POU3F3: variants seen among roughly 807,000 people sequenced by gnomAD.
The protein encoded by POU3F3 is POU class 3 homeobox 3.
In POU3F3, 1 loss-of-function variant was observed where a neutral mutation model predicts 8.6. The ratio of observed to expected loss-of-function variants is 0.12; its 90% CI spans 0.04 to 0.55. The LOEUF (loss-of-function observed/expected upper bound fraction) is 0.55, where lower values mean the gene tolerates loss of function less well. Ranked by LOEUF, POU3F3 falls within the 20% of genes least tolerant of loss-of-function variation. POU3F3 has a pLI of 0.91. For synonymous variants in POU3F3, 418 were observed against 327.4 expected (o/e 1.28, Z -2.99); for missense variants, 577 against 690.7 (o/e 0.84, Z 1.84).
chr2:104,878,659 A>G, the POU3F3 span, among the ~76,000 whole-genome samples: 1 of 152,248 alleles, frequency 6.6e-6, no homozygotes, highest in South Asian at 2.1e-4. Context: ...AGAAGTTGGC[A>G]TCTTGCCTGA....
chr2:104,917,395 A>T, the POU3F3 span, among the ~76,000 whole-genome samples: 3 of 152,218 alleles, frequency 2.0e-5, no homozygotes, highest in African/African-American at 7.2e-5. Flanking sequence ...ACAATTGTTA[A>T]TCAAATAATT....
the POU3F3 span, among the ~76,000 whole-genome samples, chr2:104,927,626 A>G: frequency 1.5e-5 from 2 of 130,308 alleles, no homozygotes; most frequent in East Asian, 2.4e-4. Context: ...GTGCTGCGGC[A>G]TGCACCTGTA....
At chr2:104,884,308 G>A in the POU3F3 span, among the ~76,000 whole-genome samples, 2 of 152,138 alleles carry the variant, frequency 1.3e-5, no homozygotes, top group African/African-American at 2.4e-5. Context: ...AGCAGAGGAT[G>A]TCTGGTCAAG....
chr2:104,911,102 G>A, the POU3F3 span, among the ~76,000 whole-genome samples: 3 of 151,984 alleles, frequency 2.0e-5, no homozygotes, highest in Middle Eastern at 3.2e-3. Context: ...GATACTGAGG[G>A]ACAACCGTAT....
At chr2:104,866,665 T>C in the POU3F3 span, 2 of 152,200 alleles carry the variant, frequency 1.3e-5, no homozygotes, top group Non-Finnish European at 2.9e-5. Flanking sequence ...AATGACTGTG[T>C]GCAGGCGGAA....
the POU3F3 span, among the ~76,000 whole-genome samples, chr2:104,883,605 T>TA: frequency 6.6e-6 from 1 of 152,200 alleles, no homozygotes; most frequent in African/African-American, 2.4e-5. Context: ...TCTCTTCTTT[T>TA]AGCACCTGGG....
chr2:104,891,448 G>A, the POU3F3 span, among the ~76,000 whole-genome samples: 2 of 152,174 alleles, frequency 1.3e-5, no homozygotes, highest in Non-Finnish European at 2.9e-5. Flanking sequence ...CAGTCTGGCT[G>A]TATTTTTTGC....
the POU3F3 span, among the ~76,000 whole-genome samples, chr2:104,909,289 A>T: frequency 6.6e-6 from 1 of 152,202 alleles, no homozygotes; most frequent in East Asian, 1.9e-4. Flanking sequence ...CTGATGAGGG[A>T]GAAAACCATA....
chr2:104,864,679 C>T, the POU3F3 span, among the ~76,000 whole-genome samples: 2 of 152,100 alleles, frequency 1.3e-5, no homozygotes, highest in East Asian at 3.9e-4. Flanking sequence ...AGAATTTTTG[C>T]TTTAAAAAAT....
At chr2:104,861,320 A>G (rs1224992484), downstream of POU3F3, among the ~76,000 whole-genome samples, 1 of 152,230 alleles carries the variant, frequency 6.6e-6, no homozygotes, top group African/African-American at 2.4e-5. Flanking sequence ...TCAACTCTAA[A>G]ATGGATGCAA....
chr2:104,910,301 G>A, the POU3F3 span, among the ~76,000 whole-genome samples: 10 of 152,162 alleles, frequency 6.6e-5, no homozygotes, highest in African/African-American at 2.2e-4. Context: ...AACAGTGATC[G>A]TTACAGCTCT....
the POU3F3 span, among the ~76,000 whole-genome samples, chr2:104,923,567 T>C: frequency 6.6e-6 from 1 of 151,888 alleles, no homozygotes; most frequent in Non-Finnish European, 1.5e-5. Context: ...ATTTAAACAT[T>C]TTACTACAAA....
chr2:104,865,754 G>A, the POU3F3 span: 2 of 152,212 alleles, frequency 1.3e-5, no homozygotes, highest in African/African-American at 2.4e-5. Context: ...AGCCAGATTT[G>A]TTCCTTTCTG....
the POU3F3 span, among the ~76,000 whole-genome samples, chr2:104,927,588 T>G: frequency 6.6e-6 from 1 of 151,858 alleles, no homozygotes. Context: ...GGCATCTATC[T>G]CTAGAAAATT....
chr2:104,855,606 C>G lies in POU3F3; in HGVS notation c.96C>G (p.Gly32=). Residue 32 remains glycine, a synonymous_variant, in exon 1 of 1, where the codon GGC becomes GGG. Coordinates refer to ENST00000361360, the MANE Select transcript of POU3F3 (RefSeq NM_006236.3). ...CGGACGCGGCAGGGGCTGGCGGCGG[C>G]GGGGGTGGCGGCGGCGGCGGCGGCG... The part of the protein sequence containing the change: ...VHSDAAGAGG[G]GGGGGGGGGG... The G allele has an allele frequency of 1.2e-6, 1 of 850,988 alleles. No individual in the cohort carries two copies. The highest frequency in any genetic ancestry group is 1.3e-6 in the Non-Finnish European group (1 of 750,324). The allele number at this position is 850,988 out of a possible 1,614,324, so 52.7% of individuals were successfully genotyped here.
the POU3F3 span, among the ~76,000 whole-genome samples, chr2:104,896,400 T>C: frequency 6.6e-6 from 1 of 152,216 alleles, no homozygotes; most frequent in Admixed American, 6.5e-5. Flanking sequence ...TAAAGAGCCC[T>C]GCAGGATCCT....
the POU3F3 span, among the ~76,000 whole-genome samples, chr2:104,893,156 C>T: frequency 2.6e-5 from 4 of 152,216 alleles, no homozygotes; most frequent in Non-Finnish European, 5.9e-5. Flanking sequence ...CCCTCCAAGT[C>T]ACTCAATCAC....
Position 104,854,981 on chromosome 2 carries a change from G to C in POU3F3, c.-530G>C, listed in dbSNP as rs559701743. On this transcript the variant is annotated 5_prime_UTR_variant, in exon 1 of 1. Transcript: ENST00000361360. This position sits in a 1 kb window ranked among gnomAD's most constrained non-coding sequence, Gnocchi z 4.5. ...TGAAACCTTCACTTAGCAGGTGGAC[G>C]GAGCCCCGCGACCGGGCAGAGTCCG... 6.6e-6 allele frequency among the ~76,000 whole-genome samples: 1 copy of C among 152,184 alleles called. No individual in the cohort carries two copies. Among genetic ancestry groups the C allele is most frequent in the Non-Finnish European group, 1.5e-5 (1 of 68,016 alleles).
At chr2:104,882,537 C>G in the POU3F3 span, among the ~76,000 whole-genome samples, 1 of 152,148 alleles carries the variant, frequency 6.6e-6, no homozygotes, top group Admixed American at 6.5e-5. Context: ...CAGACATGAA[C>G]CGCTGCACCC....
Sources: gnomAD v4.1 joint callset for allele counts (sites outside exome capture counted in the v4.1 genomes callset) on GRCh38, gnomAD v4.1.1 for gene constraint, Gnocchi (gnomAD v3.1) non-coding constraint, MANE v1.5 for transcripts, NCBI Gene and HGNC (gene_info 2026-07-23, HGNC 2026-07-21) for gene names.